The following CNOT8 variants were observed in gnomAD, a reference collection of about 807,000 sequenced individuals.
CNOT8 encodes CAF1-like protein.
A neutral mutation model predicts 34.6 loss-of-function variants in CNOT8; 18 were observed. That is an observed-to-expected ratio of 0.52 (90% CI 0.36 to 0.77). The LOEUF is 0.77. CNOT8 is among the 30% of genes least tolerant of loss of function. The pLI is 0.00. For missense variants in CNOT8, 189 were observed against 347.9 expected (o/e 0.54, Z 3.63); for synonymous variants, 101 against 118.8 (o/e 0.85, Z 0.98).
chr5:154,858,468 G>A (rs1044098026), upstream of CNOT8: 7 of 152,242 alleles, frequency 4.6e-5, no homozygotes, highest in African/African-American at 9.7e-5. Flanking sequence ...GCGCGCAAAG[G>A]GGGAGGAGCG....
chr5:154,858,524 A>T (rs998050634), upstream of CNOT8: 1 of 152,180 alleles, frequency 6.6e-6, no homozygotes, highest in Admixed American at 6.5e-5. Flanking sequence ...TCTAGAGAGC[A>T]GGCGAGTCGG....
intron 6 of CNOT8, among the ~76,000 whole-genome samples, chr5:154,873,926 A>T (rs1228590712): frequency 6.6e-6 from 1 of 152,168 alleles, no homozygotes; most frequent in Non-Finnish European, 1.5e-5. Flanking sequence ...ATCCTGTGAT[A>T]CACTGGACAA....
rs755423717 is a variant in CNOT8 at position 154,875,436 on chromosome 5, G to A, written c.876G>A (p.Gln292=). ...SILAIINNMQ[Q] ...TGGCGATTATCAACAACATGCAGCA[G>A]TGATGGCGCCAGGCTCTGCAGGGTG... is the stretch of plus-strand genomic sequence containing the variant. The change falls in exon 7 of 7, where the codon CAG becomes CAA. Residue 292 remains glutamine, a synonymous_variant. Transcript: ENST00000285896. 1 of 1,613,502 alleles carries A rather than the reference G, an allele frequency of 6.2e-7. No individual in the cohort carries two copies. The highest frequency in any genetic ancestry group is 1.7e-5 in the Admixed American group (1 of 60,002).
intron 3 of CNOT8, among the ~76,000 whole-genome samples, chr5:154,869,626 GTTT>G (rs34726467): frequency 2.4e-5 from 3 of 124,350 alleles, no homozygotes; most frequent in Non-Finnish European, 3.3e-5. Flanking sequence ...GTTTTTTTGT[GTTT>G]TTTTTTTTTT....
At position 154,872,587 on chromosome 5, in the gene CNOT8, G is replaced by T; in HGVS notation, c.665G>T (p.Gly222Val). 6.2e-7 allele frequency: 1 copy of T among 1,613,694 alleles called. No homozygotes were observed. Among genetic ancestry groups the T allele is most frequent in the Non-Finnish European group, 8.5e-7 (1 of 1,179,812 alleles). Residue 222 changes from glycine to valine, a missense_variant, in exon 6 of 7, where the codon GGA becomes GTA. This residue lies in a region of CNOT8 where 160 missense variants were observed against 321.9 expected (regional missense o/e 0.50). Coordinates refer to ENST00000285896, the MANE Select transcript of CNOT8 (RefSeq NM_001301073.2). ...VADQLDLQRI[G>V]RQHQAGSDSL... is the part of the protein sequence containing the mutation. ...GATCAGTTGGATTTGCAGAGGATTG[G>T]AAGGCAGCACCAGGCAGGCTCAGAC... is the stretch of plus-strand genomic sequence containing the variant.
chr5:154,861,021 TG>T (rs1761287863), intron 1 of CNOT8, among the ~76,000 whole-genome samples: 1 of 152,116 alleles, frequency 6.6e-6, no homozygotes, highest in African/African-American at 2.4e-5. Flanking sequence ...ATGTTTGAAA[TG>T]ACACCAAAAA....
chr5:154,865,565 A>G (rs997479398), intron 3 of CNOT8, among the ~76,000 whole-genome samples, 180 bp downstream of exon 3: 1 of 152,216 alleles, frequency 6.6e-6, no homozygotes, highest in African/African-American at 2.4e-5. Flanking sequence ...AAAATGTGCA[A>G]AAGATAGACT....
chr5:154,862,249 G>C (rs2113256285), intron 1 of CNOT8, among the ~76,000 whole-genome samples: 1 of 148,736 alleles, frequency 6.7e-6, no homozygotes, highest in East Asian at 2.0e-4. Flanking sequence ...CTGGCCGGTG[G>C]ATCACAAGGT....
intron 1 of CNOT8, 42 bp from the exon 2 acceptor site, chr5:154,863,165 T>C (rs1761517914): frequency 2.8e-6 from 2 of 719,424 alleles, no homozygotes; most frequent in Non-Finnish European, 5.1e-6. Context: ...ACATCTTATG[T>C]GTGTGTAAAC....
chr5:154,867,648 C>G, intron 3 of CNOT8: 1 of 258,914 alleles, frequency 3.9e-6, no homozygotes. Flanking sequence ...AAAAAGAAAA[C>G]TTAATTTCTT....
intron 3 of CNOT8, among the ~76,000 whole-genome samples, chr5:154,865,833 T>TA (rs1033671168): frequency 1.3e-5 from 2 of 152,150 alleles, no homozygotes; most frequent in African/African-American, 2.4e-5. Context: ...AGGTTAAACA[T>TA]AGAGTTGCCA....
Position 154,875,449 on chromosome 5 carries a change from G to GC in CNOT8, c.*11dup. 6.2e-7 allele frequency: 1 copy of GC among 1,612,818 alleles called. No homozygotes were observed. ...CAACATGCAGCAGTGATGGCGCCAG[G>GC]CTCTGCAGGGTGGGCCTGATCCCAG... On this transcript the variant is annotated 3_prime_UTR_variant, in exon 7 of 7. Transcript: ENST00000285896.
chr5:154,869,601 G>A (rs1384294320), intron 3 of CNOT8, among the ~76,000 whole-genome samples: 4 of 149,200 alleles, frequency 2.7e-5, no homozygotes, highest in South Asian at 2.1e-4. Flanking sequence ...ATGCCACCAC[G>A]TCCGGCTAAT....
Position 154,863,167 on chromosome 5 carries a change from T to C in CNOT8, c.-72-40T>C, listed in dbSNP as rs112474512. The C allele has an allele frequency of 1.4e-4, 100 of 725,996 alleles. No individual in the cohort carries two copies. In the African/African-American group the frequency reaches 1.6e-3, roughly 12 times the overall value. 45.0% of individuals were successfully genotyped at this position (725,996 alleles called of 1,614,324 possible). On this transcript the variant is annotated intron_variant, in intron 1 of 6. Coordinates refer to ENST00000285896, the MANE Select transcript of CNOT8 (RefSeq NM_001301073.2). Reference sequence around the variant, plus strand: ...CTTTGTTGTGTTGACATCTTATGTGTGTGTAAACTTACATGATTTTAAAAT... The same window carrying C: ...CTTTGTTGTGTTGACATCTTATGTGCGTGTAAACTTACATGATTTTAAAAT...
intron 3 of CNOT8, among the ~76,000 whole-genome samples, chr5:154,865,649 A>G (rs978189086): frequency 6.6e-6 from 1 of 152,232 alleles, no homozygotes; most frequent in African/African-American, 2.4e-5. Context: ...CATGAGGGAA[A>G]TGCAAATTAA....
chr5:154,867,540 G>A (rs1181705737), intron 3 of CNOT8, among the ~76,000 whole-genome samples: 1 of 152,152 alleles, frequency 6.6e-6, no homozygotes, highest in Non-Finnish European at 1.5e-5. Context: ...AGCAGGAATA[G>A]ACTACTTTAA....
rs114882815 is a variant in CNOT8 at position 154,872,685 on chromosome 5, G to A, written c.729+34G>A. 5,087 of 1,373,918 alleles carry A rather than the reference G, an allele frequency of 3.7e-3. 17 individuals carry two copies. The highest frequency in any genetic ancestry group is 4.9e-3 in the Middle Eastern group (26 of 5,280). The allele number at this position is 1,373,918 out of a possible 1,614,324, so 85.1% of individuals were successfully genotyped here. On this transcript the variant is annotated intron_variant, in intron 6 of 6. Transcript: ENST00000285896. ...CCTTGAATGTGATCACAGGCCTCTCGGCAGTAACTTGCTGAAGGCTAAGGA... is the reference window on the plus strand; with the variant it reads ...CCTTGAATGTGATCACAGGCCTCTCAGCAGTAACTTGCTGAAGGCTAAGGA...
At chr5:154,874,835 G>A (rs1343063461) in intron 6 of CNOT8, among the ~76,000 whole-genome samples, 4 of 151,946 alleles carry the variant, frequency 2.6e-5, no homozygotes, top group South Asian at 4.2e-4. Context: ...GCCTGGCCGA[G>A]CCTTTCTATA....
chr5:154,875,521 A>G lies in CNOT8; in HGVS notation c.*82A>G, dbSNP rs1762864909. The G allele has an allele frequency of 1.3e-6, 2 of 1,495,768 alleles. No homozygotes were observed. Among genetic ancestry groups the G allele is most frequent in the East Asian group, 2.3e-5 (1 of 43,232 alleles). The allele number at this position is 1,495,768 out of a possible 1,614,324, so 92.7% of individuals were successfully genotyped here. ...TGTGTACTTATCTTCCCCAAGAGAA[A>G]ATGCTTCTTTTGAGCACACTGTACC... On this transcript the variant is annotated 3_prime_UTR_variant, in exon 7 of 7. Coordinates refer to ENST00000285896, the MANE Select transcript of CNOT8 (RefSeq NM_001301073.2).
Sources: allele counts gnomAD v4.1 joint callset (sites outside exome capture counted in the v4.1 genomes callset), GRCh38; gene constraint gnomAD v4.1.1; regional missense constraint gnomAD v4.1.1; transcripts MANE v1.5; gene names NCBI Gene and HGNC (gene_info 2026-07-23, HGNC 2026-07-21).